CCDC91: variants seen among roughly 807,000 people sequenced by gnomAD.
The protein encoded by CCDC91 is coiled-coil domain-containing protein 91.
In CCDC91, 48 loss-of-function variants were observed where a neutral mutation model predicts 63.2. The observed-to-expected ratio is 0.76, with a 90% CI of 0.60 to 0.97. CCDC91 has a LOEUF of 0.97. CCDC91 is among the 50% of genes least tolerant of loss of function. The pLI, the probability that CCDC91 is intolerant of heterozygous loss-of-function variation, is 0.00. For missense variants in CCDC91, 500 were observed against 494.6 expected (o/e 1.01, Z -0.10); for synonymous variants, 167 against 165.8 (o/e 1.01, Z -0.06).
chr12:28,479,413 A>G (rs528466177), intron 11 of CCDC91, among the ~76,000 whole-genome samples: 2 of 152,166 alleles, frequency 1.3e-5, no homozygotes, highest in South Asian at 4.2e-4. Flanking sequence ...GAATTGAACA[A>G]TGAGAACATT....
intron 11 of CCDC91, 47 bp from the exon 12 acceptor site, chr12:28,484,005 G>A (rs780763728): frequency 3.6e-6 from 4 of 1,114,096 alleles, no homozygotes; most frequent in Admixed American, 1.9e-5. Flanking sequence ...ACACAGATAT[G>A]TCATAGTGCT....
intron 12 of CCDC91, among the ~76,000 whole-genome samples, chr12:28,523,704 G>T (rs1565519920): frequency 6.6e-6 from 1 of 152,130 alleles, no homozygotes; most frequent in Non-Finnish European, 1.5e-5. Flanking sequence ...TATTTTCAGT[G>T]TCTGGTAGTG....
chr12:28,503,537 G>A (rs1294514984), intron 12 of CCDC91, among the ~76,000 whole-genome samples: 4 of 151,934 alleles, frequency 2.6e-5, no homozygotes, highest in Non-Finnish European at 4.4e-5. Context: ...CGATTCCTCA[G>A]GGATCTAGAA....
At chr12:28,461,619 G>A (rs781021973) in intron 11 of CCDC91, among the ~76,000 whole-genome samples, 2 of 151,918 alleles carry the variant, frequency 1.3e-5, no homozygotes, top group African/African-American at 4.8e-5. Flanking sequence ...TCATCCTGAG[G>A]ATCGAATGAT....
At chr12:28,239,799 C>T (rs905510027) in intron 1 of CCDC91, among the ~76,000 whole-genome samples, 6 of 151,888 alleles carry the variant, frequency 4.0e-5, no homozygotes, top group African/African-American at 1.5e-4. Context: ...CTTATAATTG[C>T]ATGTAGAATT....
intron 3 of CCDC91, among the ~76,000 whole-genome samples, chr12:28,263,323 C>T (rs965376037): frequency 4.6e-5 from 7 of 151,932 alleles, no homozygotes; most frequent in African/African-American, 1.7e-4. Context: ...TATGTAAAAC[C>T]GAAACTCCGT....
Position 28,237,146 on chromosome 12 carries a change from A to T in CCDC91, c.-14-20056A>T, listed in dbSNP as rs1244616419. ...GATTTAATTATTTTCTTTGATTTTCATGCAACTCTAAATATATCCCTCACT... is the reference window on the plus strand; with the variant it reads ...GATTTAATTATTTTCTTTGATTTTCTTGCAACTCTAAATATATCCCTCACT... On this transcript the variant is annotated intron_variant, in intron 1 of 12. Transcript: ENST00000536442. 4.6e-5 allele frequency among the ~76,000 whole-genome samples: 7 copies of T among 151,984 alleles called. No individual in the cohort carries two copies. The South Asian group carries it at 1.0e-3, about 23-fold the overall frequency.
At chr12:28,199,067 C>T (rs1173623814) in intron 1 of CCDC91, 6 of 151,890 alleles carry the variant, frequency 4.0e-5, no homozygotes, top group African/African-American at 9.7e-5. Context: ...GTGTGTGCCA[C>T]GATGCTTGGA....
At chr12:28,399,677 A>G (rs1023088314) in intron 8 of CCDC91, among the ~76,000 whole-genome samples, 1 of 152,230 alleles carries the variant, frequency 6.6e-6, no homozygotes, top group African/African-American at 2.4e-5. Flanking sequence ...CATTGGATAG[A>G]TGCACTTATT....
intron 12 of CCDC91, among the ~76,000 whole-genome samples, chr12:28,499,355 T>TTTCTCTTA (rs60024235): frequency 0.21 from 31,457 of 151,040 alleles, 4,251 homozygotes; most frequent in Non-Finnish European, 0.31. Flanking sequence ...GCACCTCACT[T>TTTCTCTTA]TTATTATTAT....
intron 8 of CCDC91, chr12:28,412,605 G>C: frequency 2.8e-6 from 1 of 363,090 alleles, no homozygotes; most frequent in Non-Finnish European, 5.4e-6. Flanking sequence ...GACCCAAAGA[G>C]TGAGAGGTAG....
intron 1 of CCDC91, among the ~76,000 whole-genome samples, chr12:28,203,969 T>TA (rs1041199382): frequency 5.9e-5 from 9 of 151,876 alleles, no homozygotes; most frequent in African/African-American, 1.9e-4. Flanking sequence ...ATTTCCTAGT[T>TA]AAAAAAAACA....
At chr12:28,545,340 C>G (rs1942914769) in intron 12 of CCDC91, among the ~76,000 whole-genome samples, 1 of 152,006 alleles carries the variant, frequency 6.6e-6, no homozygotes, top group Non-Finnish European at 1.5e-5. Context: ...CCTAATAAAA[C>G]AGTAACTGTT....
intron 8 of CCDC91, among the ~76,000 whole-genome samples, chr12:28,416,628 C>T (rs532994249): frequency 2.0e-5 from 3 of 151,782 alleles, no homozygotes; most frequent in Admixed American, 6.6e-5. Context: ...TGGTGAAGAT[C>T]GGGAGAAGAA....
Position 28,221,097 on chromosome 12 carries a change from G to T in CCDC91, c.-15+30456G>T, listed in dbSNP as rs535695937. The stretch of plus-strand genomic sequence containing the variant: ...ACTTGAAATTATCCATTTTTTCTCA[G>T]TATTTTTTCCTCTCTGTACTTTATT... On this transcript the variant is annotated intron_variant, in intron 1 of 12. Transcript: ENST00000536442. Among the ~76,000 whole-genome samples the T allele has an allele frequency of 2.6e-5, 4 of 151,856 alleles. No homozygotes were observed. The East Asian group carries it at 7.7e-4, about 29-fold the overall frequency.
chr12:28,491,288 A>G (rs370579573), intron 12 of CCDC91, among the ~76,000 whole-genome samples: 6 of 151,878 alleles, frequency 4.0e-5, no homozygotes, highest in South Asian at 2.1e-4. Flanking sequence ...TAAAAAACAT[A>G]TATTCACTGA....
chr12:28,289,760 C>T (rs35675901), intron 3 of CCDC91, among the ~76,000 whole-genome samples: 1,462 of 137,476 alleles, frequency 0.011, 9 homozygotes, highest in Non-Finnish European at 0.016. Context: ...GGCGCGATCT[C>T]GGCTCACTGC....
intron 7 of CCDC91, among the ~76,000 whole-genome samples, chr12:28,372,462 TGA>T (rs1592465699): frequency 6.6e-6 from 1 of 152,320 alleles, no homozygotes; most frequent in East Asian, 1.9e-4. Flanking sequence ...TCCATGATTA[TGA>T]GATGTATTCT....
At chr12:28,431,764 T>C (rs1424690420) in intron 8 of CCDC91, among the ~76,000 whole-genome samples, 1 of 152,014 alleles carries the variant, frequency 6.6e-6, no homozygotes, top group African/African-American at 2.4e-5. Flanking sequence ...ATAATTTGCA[T>C]TGGGGTTCAG....
Sources: allele counts gnomAD v4.1 joint callset (sites outside exome capture counted in the v4.1 genomes callset), GRCh38; gene constraint gnomAD v4.1.1; transcripts MANE v1.5; gene names NCBI Gene and HGNC (gene_info 2026-07-23, HGNC 2026-07-21).